The following FXR1 variants were observed in gnomAD, a reference collection of about 807,000 sequenced individuals.
The protein encoded by FXR1 is FMR1 autosomal homolog 1, also known as RNA-binding protein FXR1.
Under a neutral mutation model 84.0 loss-of-function variants are expected in FXR1, and 15 were observed. That is an observed-to-expected ratio of 0.18 (90% CI 0.12 to 0.27). The LOEUF (loss-of-function observed/expected upper bound fraction) is 0.27. Ranked by LOEUF, FXR1 falls within the 10% of genes least tolerant of loss-of-function variation. The pLI, the probability that FXR1 is intolerant of heterozygous loss-of-function variation, is 1.00. For missense variants in FXR1, 480 were observed against 774.4 expected, an observed-to-expected ratio of 0.62 and a Z score of 4.51; for synonymous variants, 245 against 250.7, an observed-to-expected ratio of 0.98 and a Z score of 0.21.
rs1019248737 is a variant in FXR1 at position 180,981,826 on chromosome 3, A to G, written c.*5534A>G. 2.6e-5 allele frequency: 4 copies of G among 152,050 alleles called. No individual in the cohort carries two copies. The highest frequency in any genetic ancestry group is 5.9e-5 in the Non-Finnish European group (4 of 67,942). 9.4% of individuals were successfully genotyped at this position (152,050 alleles called of 1,614,324 possible). A position where few individuals can be genotyped will look rare whatever the true frequency, so the allele number is the denominator to read the frequency against. ...TATTTCCCTTTTACAGAGAAAGCTG[A>G]AGCCTCGAGGCTCAGATTTACCTGG... On this transcript the variant is annotated 3_prime_UTR_variant, in exon 17 of 17. Transcript: ENST00000357559.
intron 1 of FXR1, among the ~76,000 whole-genome samples, chr3:180,932,098 T>G (rs912121163): frequency 1.1e-4 from 6 of 54,428 alleles, no homozygotes; most frequent in Non-Finnish European, 2.6e-4. Flanking sequence ...AAACAACTTT[T>G]TTGTTGTTGT....
At chr3:180,942,149 C>T (rs1362991084) in intron 3 of FXR1, among the ~76,000 whole-genome samples, 5 of 151,754 alleles carry the variant, frequency 3.3e-5, no homozygotes, top group Non-Finnish European at 5.9e-5. Flanking sequence ...GAGGCCGAGG[C>T]GGGCAGATCA....
Position 180,980,351 on chromosome 3 carries a change from T to C in FXR1, c.*4059T>C, listed in dbSNP as rs1714551215. On this transcript the variant is annotated 3_prime_UTR_variant, in exon 17 of 17. Transcript: ENST00000357559. ...TTAAGTATGCTACTAATTAGCTTCTTGAATTTCTTTGTATTTCAGTGATTG... is the reference window on the plus strand; with the variant it reads ...TTAAGTATGCTACTAATTAGCTTCTCGAATTTCTTTGTATTTCAGTGATTG... The C allele has an allele frequency of 6.6e-6, 1 of 152,082 alleles. No individual in the cohort carries two copies. The highest frequency in any genetic ancestry group is 6.6e-5 in the Admixed American group (1 of 15,260). 9.4% of individuals were successfully genotyped at this position (152,082 alleles called of 1,614,324 possible). A position where few individuals can be genotyped will look rare whatever the true frequency, so the allele number is the denominator to read the frequency against.
At chr3:180,954,971 A>G (rs1434580522) in intron 9 of FXR1, among the ~76,000 whole-genome samples, 1 of 130,754 alleles carries the variant, frequency 7.6e-6, no homozygotes, top group African/African-American at 2.9e-5. Flanking sequence ...AACTGTTAGT[A>G]TTTATGTAAA....
chr3:180,933,274 C>T (rs1559984545), intron 1 of FXR1, 60 bp from the exon 2 acceptor site: 1 of 982,390 alleles, frequency 1.0e-6, no homozygotes, highest in Non-Finnish European at 1.6e-6. Flanking sequence ...CTAATACAAC[C>T]TTTTAGAGTT....
At chr3:180,940,352 T>TG (rs1720983029) in intron 3 of FXR1, among the ~76,000 whole-genome samples, 1 of 152,138 alleles carries the variant, frequency 6.6e-6, no homozygotes, top group Non-Finnish European at 1.5e-5. Context: ...AATGTGAAAA[T>TG]GAAGAGTTCT....
At chr3:180,959,666 G>C (rs1335534050) in intron 10 of FXR1, among the ~76,000 whole-genome samples, 1 of 141,862 alleles carries the variant, frequency 7.0e-6, no homozygotes, top group Non-Finnish European at 1.5e-5. Context: ...TATTCACTTT[G>C]AATGCCCTTT....
intron 14 of FXR1, 30 bp downstream of exon 14, chr3:180,968,284 A>G (rs746127896): frequency 2.8e-6 from 4 of 1,425,842 alleles, no homozygotes; most frequent in Non-Finnish European, 4.0e-6. Flanking sequence ...GTCAGCATCC[A>G]TTATTTGTAA....
rs543519974 is a variant in FXR1 at position 180,930,655 on chromosome 3, C to T, written c.52-2679C>T. Among the ~76,000 whole-genome samples, 46 of 152,246 alleles carry T rather than the reference C, an allele frequency of 3.0e-4. No homozygotes were observed. In the Middle Eastern group the frequency reaches 0.01, roughly 34 times the overall value. On this transcript the variant is annotated intron_variant, in intron 1 of 16. Coordinates refer to ENST00000357559, the MANE Select transcript of FXR1 (RefSeq NM_005087.4). Reference sequence around the variant, plus strand: ...TCATAAACATGGAAATTCCCAGTTTCTGAAATTTGTTAAAAAATGGCAAGG... The same window carrying T: ...TCATAAACATGGAAATTCCCAGTTTTTGAAATTTGTTAAAAAATGGCAAGG...
intron 10 of FXR1, among the ~76,000 whole-genome samples, chr3:180,959,996 C>T (rs186045061): frequency 1.3e-5 from 2 of 152,138 alleles, no homozygotes; most frequent in East Asian, 3.9e-4. Context: ...CTGTTAGAAA[C>T]CATTCTGTAA....
At chr3:180,944,605 G>A (rs1403032939) in intron 3 of FXR1, among the ~76,000 whole-genome samples, 1 of 152,158 alleles carries the variant, frequency 6.6e-6, no homozygotes, top group Non-Finnish European at 1.5e-5. Flanking sequence ...GGGATTACAG[G>A]CATGAGCCAC....
intron 1 of FXR1, among the ~76,000 whole-genome samples, chr3:180,918,634 A>G (rs1431853237): frequency 6.6e-6 from 1 of 152,224 alleles, no homozygotes; most frequent in Non-Finnish European, 1.5e-5. Context: ...TTCTTGTAAT[A>G]GTTTTTAACT....
intron 10 of FXR1, among the ~76,000 whole-genome samples, chr3:180,960,122 T>A (rs1711907401): frequency 6.6e-6 from 1 of 152,208 alleles, no homozygotes; most frequent in Non-Finnish European, 1.5e-5. Context: ...ATTCACAGTG[T>A]GCCATCTTAT....
intron 11 of FXR1, 22 bp downstream of exon 11, chr3:180,961,576 T>C (rs781076035): frequency 9.6e-7 from 1 of 1,043,470 alleles, no homozygotes; most frequent in Non-Finnish European, 1.5e-6. Context: ...GTTCATACTA[T>C]ATTCTGATAT....
intron 10 of FXR1, among the ~76,000 whole-genome samples, chr3:180,958,705 T>C (rs1447898539): frequency 1.3e-5 from 2 of 152,154 alleles, no homozygotes; most frequent in African/African-American, 2.4e-5. Context: ...TTCTTGATTG[T>C]ACTCTCCTTA....
intron 10 of FXR1, among the ~76,000 whole-genome samples, chr3:180,960,903 A>G (rs767010310): frequency 4.6e-5 from 7 of 152,312 alleles, no homozygotes; most frequent in South Asian, 2.1e-4. Context: ...TTACAACAGT[A>G]AATTGGGGTG....
At chr3:180,958,406 T>C (rs1711607430) in intron 10 of FXR1, among the ~76,000 whole-genome samples, 1 of 152,148 alleles carries the variant, frequency 6.6e-6, no homozygotes, top group South Asian at 2.1e-4. Context: ...TCCTCCACAC[T>C]GAGTCTCCAA....
At chr3:180,925,716 TG>T (rs750294740) in intron 1 of FXR1, among the ~76,000 whole-genome samples, 8 of 152,294 alleles carry the variant, frequency 5.3e-5, no homozygotes, top group Non-Finnish European at 1.2e-4. Flanking sequence ...ATTGATGGGC[TG>T]GAAAGGTAGA....
intron 1 of FXR1, among the ~76,000 whole-genome samples, chr3:180,925,944 G>C (rs1398448044): frequency 6.6e-6 from 1 of 152,104 alleles, no homozygotes; most frequent in East Asian, 1.9e-4. Flanking sequence ...GGTAAATGGA[G>C]AGTTAACCTA....
Sources: allele counts gnomAD v4.1 joint callset (sites outside exome capture counted in the v4.1 genomes callset), GRCh38; gene constraint gnomAD v4.1.1; transcripts MANE v1.5; gene names NCBI Gene and HGNC (gene_info 2026-07-23, HGNC 2026-07-21).